SPON2: variants seen among roughly 807,000 people sequenced by gnomAD.
SPON2 encodes spondin-2.
A neutral mutation model predicts 29.9 loss-of-function variants in SPON2; 32 were observed. The observed-to-expected ratio is 1.07, with a 90% CI of 0.81 to 1.44. The LOEUF (loss-of-function observed/expected upper bound fraction) is 1.44. Among genes scored for constraint, SPON2 ranks in the 40% most tolerant of loss-of-function variants. The pLI is 0.00. For missense variants in SPON2, 541 were observed against 455.5 expected (o/e 1.19, Z -1.71); for synonymous variants, 248 against 209.1 (o/e 1.19, Z -1.61).
chr4:1,176,068 C>T (rs1727588178), upstream of SPON2, among the ~76,000 whole-genome samples: 1 of 152,096 alleles, frequency 6.6e-6, no homozygotes, highest in Non-Finnish European at 1.5e-5. Context: ...TTTTCTGGAT[C>T]CTGTGGCCCC....
At chr4:1,203,754 G>A (rs1728272320) in intron 1 of SPON2, among the ~76,000 whole-genome samples, 1 of 152,210 alleles carries the variant, frequency 6.6e-6, no homozygotes. Context: ...TGGGTGTGAG[G>A]TGTGGTCTCG....
chr4:1,193,234 T>C (rs1727950069), intron 1 of SPON2, among the ~76,000 whole-genome samples: 1 of 152,154 alleles, frequency 6.6e-6, no homozygotes, highest in Non-Finnish European at 1.5e-5. Flanking sequence ...AGAGAGAAAG[T>C]GGATGTCACT....
chr4:1,186,040 C>G (rs190152535), intron 1 of SPON2, among the ~76,000 whole-genome samples: 15,343 of 149,494 alleles, frequency 0.1, 862 homozygotes, highest in Middle Eastern at 0.16. Context: ...GTCAGGAGAT[C>G]GAGACCATCC....
chr4:1,174,077 G>A (rs77180393), upstream of SPON2, among the ~76,000 whole-genome samples: 5,141 of 152,210 alleles, frequency 0.034, 138 homozygotes, highest in East Asian at 0.12. Context: ...GAGTGCGCCT[G>A]TGGTCTCAAC....
At chr4:1,179,301 G>A (rs1727664607) in intron 2 of SPON2, 1 of 118,442 alleles carries the variant, frequency 8.4e-6, no homozygotes, top group Admixed American at 9.8e-5. Context: ...TTGCAAAGGA[G>A]GCCAGGTCAC....
At chr4:1,201,418 T>G (rs1178105972) in intron 1 of SPON2, 2 of 280,166 alleles carry the variant, frequency 7.1e-6, no homozygotes, top group Admixed American at 9.1e-5. Context: ...AGGGCATCTG[T>G]GCTATCAGGA....
At position 1,185,475 on chromosome 4, in the gene SPON2, A is replaced by G. The variant is rs1455187982; in HGVS notation, c.-238-5934T>C. On this transcript the variant is annotated intron_variant, in intron 1 of 3. Coordinates refer to the SPON2 transcript ENST00000502483. ...GTGATCCCAGCACTTTGGGAGGCTG[A>G]GGCGAGCGGATCACCTGAGGTCGGG... 2.4e-4 allele frequency among the ~76,000 whole-genome samples: 36 copies of G among 151,390 alleles called. 2 individuals are homozygous for G. In the East Asian group the frequency reaches 7.1e-3, roughly 30 times the overall value.
intron 1 of SPON2, among the ~76,000 whole-genome samples, chr4:1,187,940 G>A (rs1727835348): frequency 1.3e-5 from 2 of 151,678 alleles, no homozygotes; most frequent in South Asian, 4.2e-4. Context: ...AGCAACACAC[G>A]CCTATAATCC....
chr4:1,200,974 C>A (rs543095768), intron 1 of SPON2: 3 of 456,766 alleles, frequency 6.6e-6, no homozygotes, highest in South Asian at 3.1e-5. Flanking sequence ...TACGCCAGGG[C>A]CTTCTAGACG....
intron 1 of SPON2, 126 bp from the exon 2 acceptor site, chr4:1,172,200 C>T (rs1472810254): frequency 2.6e-6 from 2 of 763,988 alleles, no homozygotes; most frequent in African/African-American, 1.7e-5. Context: ...CCCCTCCCTG[C>T]TCCGCAAAGC....
upstream of SPON2, among the ~76,000 whole-genome samples, chr4:1,197,791 G>C (rs1270726860): frequency 1.3e-5 from 2 of 152,206 alleles, no homozygotes; most frequent in Non-Finnish European, 2.9e-5. Flanking sequence ...GCTCACGCCT[G>C]TAATGCTTAC....
chr4:1,173,596 G>A (rs1233109138), upstream of SPON2, among the ~76,000 whole-genome samples: 1 of 152,240 alleles, frequency 6.6e-6, no homozygotes, highest in Non-Finnish European at 1.5e-5. Flanking sequence ...GAAGGAGCTC[G>A]GGAATGGTCT....
intron 1 of SPON2, among the ~76,000 whole-genome samples, chr4:1,181,712 T>G (rs1727703900): frequency 6.6e-6 from 1 of 152,178 alleles, no homozygotes; most frequent in African/African-American, 2.4e-5. Context: ...ATGCACATGT[T>G]CCTGTAGCAG....
upstream of SPON2, among the ~76,000 whole-genome samples, chr4:1,198,048 A>AAT (rs2108677085): frequency 8.1e-4 from 1 of 1,242 alleles, no homozygotes; most frequent in South Asian, 0.25. Context: ...ACTCTGTTTC[A>AAT]AAAAAAAAAA....
intron 1 of SPON2, among the ~76,000 whole-genome samples, chr4:1,191,806 T>C (rs976508515): frequency 3.3e-5 from 5 of 152,168 alleles, no homozygotes; most frequent in African/African-American, 1.2e-4. Context: ...TGGATCAGTG[T>C]GGAGAGAGGG....
chr4:1,174,048 A>G (rs1470190866), upstream of SPON2, among the ~76,000 whole-genome samples: 1 of 151,844 alleles, frequency 6.6e-6, no homozygotes, highest in African/African-American at 2.4e-5. Flanking sequence ...AAACATACAA[A>G]AATTAGCTGG....
chr4:1,195,088 C>CTCCAACCCCGCAGCCGGCGGT (rs1728032472), exon 1 of SPON2: 3 of 66,626 alleles, frequency 4.5e-5, no homozygotes, highest in Non-Finnish European at 6.9e-5. Flanking sequence ...CAGCCGGCGG[C>CTCCAACCCCGCAGCCGGCGGT]TCCAACCCCG....
Position 1,170,261 on chromosome 4 carries a change from A to C in SPON2, c.811+141T>G, listed in dbSNP as rs1444405028. 3.7e-6 allele frequency: 3 copies of C among 800,854 alleles called. No homozygotes were observed. In the African/African-American group the frequency reaches 5.2e-5, roughly 14 times the overall value. The allele number at this position is 800,854 out of a possible 1,614,324, so 49.6% of individuals were successfully genotyped here. On this transcript the variant is annotated intron_variant, in intron 5 of 5. Coordinates refer to ENST00000290902, the MANE Select transcript of SPON2 (RefSeq NM_012445.4). ...TCAGTGTGTGAATCAACAGAATCCT[A>C]AATCTTCTAGGCACCATCTTGCAGT...
upstream of SPON2, chr4:1,208,770 C>CT (rs761548675): frequency 6.6e-6 from 1 of 152,354 alleles, no homozygotes; most frequent in Non-Finnish European, 1.5e-5. Context: ...GGCTGGCATA[C>CT]AGTAGCTCTG....
Sources: gnomAD v4.1 joint callset for allele counts (sites outside exome capture counted in the v4.1 genomes callset) on GRCh38, gnomAD v4.1.1 for gene constraint, MANE v1.5 for transcripts, NCBI Gene and HGNC (gene_info 2026-07-23, HGNC 2026-07-21) for gene names.